The following PRDM9 variants were observed in gnomAD, a reference collection of about 807,000 sequenced individuals.
PRDM9 encodes PR/SET domain 9.
A neutral mutation model predicts 55.6 loss-of-function variants in PRDM9; 47 were observed. The observed-to-expected ratio is 0.85, with a 90% CI of 0.67 to 1.08. The LOEUF (loss-of-function observed/expected upper bound fraction) is 1.08, where lower values mean the gene tolerates loss of function less well. Among genes scored for constraint, PRDM9 ranks in the 50% least tolerant of loss-of-function variants. PRDM9 has a pLI of 0.00. For synonymous variants in PRDM9, 312 were observed against 375.7 expected (o/e 0.83, Z 1.96); for missense variants, 867 against 1,040.3 (o/e 0.83, Z 2.29).
At chr5:23,509,880 A>G (rs762217022) in intron 3 of PRDM9, 40 bp from the exon 4 acceptor site, 1 of 1,608,612 alleles carries the variant, frequency 6.2e-7, no homozygotes, top group African/African-American at 1.3e-5. Context: ...TCCTTCTCCC[A>G]GCTCTTCCAT....
intron 10 of PRDM9, among the ~76,000 whole-genome samples, chr5:23,525,082 G>T (rs1051728063): frequency 2.0e-5 from 3 of 152,212 alleles, no homozygotes; most frequent in African/African-American, 7.2e-5. Flanking sequence ...TGAAGTAAAT[G>T]AATCCAGAAA....
At chr5:23,520,227 T>A (rs545735679) in intron 5 of PRDM9, among the ~76,000 whole-genome samples, 2 of 150,326 alleles carry the variant, frequency 1.3e-5, no homozygotes, top group African/African-American at 4.9e-5. Flanking sequence ...TAGCTGGGTA[T>A]GGTGGCACAT....
chr5:23,510,049 ATTTTT>A (rs34033521), intron 4 of PRDM9, 22 bp downstream of exon 4: 764 of 1,250,190 alleles, frequency 6.1e-4, no homozygotes, highest in Middle Eastern at 1.1e-3. Flanking sequence ...GGGAAGTAGG[ATTTTT>A]TTTTTTTTTT....
At chr5:23,517,140 G>A (rs1438581416) in intron 4 of PRDM9, among the ~76,000 whole-genome samples, 22 of 137,456 alleles carry the variant, frequency 1.6e-4, no homozygotes, top group African/African-American at 4.5e-4. Context: ...GCGACAGAGC[G>A]AGACTCCATC....
In PRDM9 at chr5:23,527,646, C is replaced by A; in HGVS notation, c.2558C>A (p.Thr853Lys). The A allele has an allele frequency of 1.3e-6, 2 of 1,518,258 alleles. No individual in the cohort carries two copies. The highest frequency in any genetic ancestry group is 1.8e-6 in the Non-Finnish European group (2 of 1,124,708). 94.0% of individuals were successfully genotyped at this position (1,518,258 alleles called of 1,614,324 possible). The change falls in exon 11 of 11, where the codon ACA (threonine) becomes AAA (lysine). Residue 853 changes from threonine to lysine, a missense_variant. Coordinates refer to ENST00000296682, the MANE Select transcript of PRDM9 (RefSeq NM_020227.4). ...NKSHLLRHQRTHTGEKPYVCR... is the reference protein window; with the variant it reads ...NKSHLLRHQRKHTGEKPYVCR... Reference sequence around the variant, plus strand: ...TCACACCTCCTCAGACACCAGAGGACACACACAGGGGAGAAGCCCTACGTC... The same window carrying A: ...TCACACCTCCTCAGACACCAGAGGAAACACACAGGGGAGAAGCCCTACGTC...
intron 10 of PRDM9, 124 bp downstream of exon 10, chr5:23,524,651 G>T (rs1471789461): frequency 1.4e-5 from 20 of 1,389,164 alleles, no homozygotes; most frequent in Non-Finnish European, 1.9e-5. Flanking sequence ...CAAATCAGTG[G>T]CTTCCAAAAT....
intron 10 of PRDM9, among the ~76,000 whole-genome samples, chr5:23,524,878 C>A (rs1739402698): frequency 6.6e-6 from 1 of 152,130 alleles, no homozygotes; most frequent in South Asian, 2.1e-4. Context: ...TAATGATATG[C>A]ATGTGTTGTT....
chr5:23,527,681 T>C lies in PRDM9; in HGVS notation c.2593T>C (p.Cys865Arg), dbSNP rs1391923575. Residue 865 changes from cysteine (C) to arginine (R), a missense_variant, in exon 11 of 11, where the codon TGT (cysteine) becomes CGT (arginine). This residue lies in a region of PRDM9 where 86 missense variants were observed against 73.6 expected (regional missense o/e 1.17). Transcript: ENST00000296682. The part of the protein sequence containing the change: ...TGEKPYVCRE[C>R]GRGFSDRSSL... ...GGAGAAGCCCTACGTCTGCAGGGAG[T>C]GTGGGCGGGGCTTTAGCGATAGGTC... 1 of 1,569,230 alleles carries C rather than the reference T, an allele frequency of 6.4e-7. No homozygotes were observed. Among genetic ancestry groups the C allele is most frequent in the Non-Finnish European group, 8.6e-7 (1 of 1,158,656 alleles).
rs1468007509 is a variant in PRDM9, at chr5:23,526,271, C to T, written c.1183C>T (p.Leu395=). ...PEIHPCPSCC[L]AFSSQKFLSQ... ...GATCCATCCATGTCCCTCATGCTGT[C>T]TGGCCTTTTCAAGTCAGAAATTTCT... Residue 395 remains leucine, a synonymous_variant, in exon 11 of 11, where the codon CTG becomes TTG. Transcript: ENST00000296682. 1 of 1,614,206 alleles carries T rather than the reference C, an allele frequency of 6.2e-7. No individual in the cohort carries two copies. Among genetic ancestry groups the T allele is most frequent in the Non-Finnish European group, 8.5e-7 (1 of 1,180,052 alleles).
chr5:23,512,330 A>G (rs1428675756), intron 4 of PRDM9, among the ~76,000 whole-genome samples: 2 of 152,134 alleles, frequency 1.3e-5, no homozygotes, highest in Non-Finnish European at 2.9e-5. Flanking sequence ...TGTGAAGCTC[A>G]TTTCCTCTTC....
chr5:23,522,767 A>G lies in PRDM9; in HGVS notation c.764A>G (p.Gln255Arg), dbSNP rs1739357835. ...GLRIGPSGIP[Q>R]AGLGVWNEAS... ...AGAATTGGGCCATCAGGCATCCCTC[A>G]GGCTGGGCTTGGAGTATGGAATGAG... Residue 255 changes from glutamine to arginine, a missense_variant, in exon 8 of 11, where the codon CAG becomes CGG. By Grantham distance (43) the Gln-to-Arg change is conservative (BLOSUM62 1). Transcript: ENST00000296682. The G allele has an allele frequency of 6.2e-7, 1 of 1,614,102 alleles. No homozygotes were observed. Among genetic ancestry groups the G allele is most frequent in the South Asian group, 1.1e-5 (1 of 91,090 alleles).
chr5:23,522,395 T>A lies in PRDM9; in HGVS notation c.600T>A (p.Asp200Glu), dbSNP rs746853919. The change falls in exon 7 of 11, where the codon GAT becomes GAA. Residue 200 changes from aspartate (D) to glutamate (E), a missense_variant. Asp to Glu is a conservative substitution (Grantham distance 45). Transcript: ENST00000296682. ...AYKEVSEPQD[D>E]DYLYCEMCQN... ...AAGAGGTCAGCGAGCCGCAGGATGA[T>A]GATTACCTCTGTAAGTGACACTTTT... 6.2e-7 allele frequency: 1 copy of A among 1,613,562 alleles called. No homozygotes were observed. Among genetic ancestry groups the A allele is most frequent in the Non-Finnish European group, 8.5e-7 (1 of 1,179,588 alleles).
chr5:23,524,670 C>T, intron 10 of PRDM9, 143 bp downstream of exon 10: 1 of 1,197,668 alleles, frequency 8.3e-7, no homozygotes, highest in South Asian at 1.4e-5. Flanking sequence ...ATTAAACATT[C>T]ATGTTATATA....
chr5:23,517,654 C>T (rs1277068091), intron 4 of PRDM9, among the ~76,000 whole-genome samples: 2 of 152,010 alleles, frequency 1.3e-5, no homozygotes, highest in East Asian at 1.9e-4. Context: ...GGTGTGGTGG[C>T]GTACACCTGT....
At chr5:23,520,409 C>T (rs1739307378) in intron 5 of PRDM9, among the ~76,000 whole-genome samples, 2 of 146,674 alleles carry the variant, frequency 1.4e-5, no homozygotes, top group Non-Finnish European at 3.0e-5. Context: ...ATTTCTGGAT[C>T]AGGAAACTAA....
upstream of PRDM9, chr5:23,507,574 C>T (rs1341147106): frequency 6.6e-6 from 1 of 152,422 alleles, no homozygotes; most frequent in African/African-American, 2.4e-5. Context: ...AGCTGTACAG[C>T]CTGGCACTTC....
At chr5:23,517,965 T>G (rs201454153) in intron 5 of PRDM9, 35 bp downstream of exon 5, 231 of 1,533,818 alleles carry the variant, frequency 1.5e-4, no homozygotes, top group Non-Finnish European at 1.2e-4. Context: ...ACAAGAAACC[T>G]TCCTCATGGA....
chr5:23,507,161 C>CA (rs1037673515), upstream of PRDM9: 1 of 152,626 alleles, frequency 6.6e-6, no homozygotes, highest in Non-Finnish European at 1.5e-5. Flanking sequence ...ACCCAACTTA[C>CA]ACCACAGTTA....
Position 23,507,630 on chromosome 5 carries a change from C to CG in PRDM9, c.-165dup, listed in dbSNP as rs1296022124. ...TCCTGAGGGACTCTGAGAGAACGCC[C>CG]GGCCAGGGTGAACGCCGCGGCAGGA... On this transcript the variant is annotated 5_prime_UTR_variant, in exon 1 of 11. Transcript: ENST00000296682. 2 of 152,500 alleles carry CG rather than the reference C, an allele frequency of 1.3e-5. No homozygotes were observed. Among genetic ancestry groups the CG allele is most frequent in the Non-Finnish European group, 2.9e-5 (2 of 68,280 alleles). 9.4% of individuals were successfully genotyped at this position (152,500 alleles called of 1,614,324 possible).
Sources: allele counts gnomAD v4.1 joint callset (sites outside exome capture counted in the v4.1 genomes callset), GRCh38; gene constraint gnomAD v4.1.1; regional missense constraint gnomAD v4.1.1; transcripts MANE v1.5; gene names NCBI Gene and HGNC (gene_info 2026-07-23, HGNC 2026-07-21).